PPP1R16A: variants seen among roughly 807,000 people sequenced by gnomAD.
PPP1R16A encodes the protein myosin phosphatase-targeting subunit 3.
In PPP1R16A, 39 loss-of-function variants were observed where a neutral mutation model predicts 46.6. The ratio of observed to expected loss-of-function variants is 0.84; its 90% CI spans 0.65 to 1.09. PPP1R16A has a LOEUF of 1.09. Among genes scored for constraint, PPP1R16A ranks in the 50% least tolerant of loss-of-function variants. The probability of loss-of-function intolerance (pLI) is 0.00; values close to 1 mark genes in which losing one functional copy is unlikely to be tolerated. For synonymous variants in PPP1R16A, 413 were observed against 321.5 expected (o/e 1.28, Z -3.04); for missense variants, 798 against 735.6 (o/e 1.08, Z -0.98).
intron 1 of PPP1R16A, among the ~76,000 whole-genome samples, chr8:144,483,067 C>T (rs758581227): frequency 6.6e-6 from 1 of 152,232 alleles, no homozygotes; most frequent in African/African-American, 2.4e-5. Context: ...CAGGTGTGAG[C>T]CACCGCGCCC....
rs777485072 is a variant in PPP1R16A, at chr8:144,500,370, C to A, written c.684C>A (p.Pro228=). 13 of 1,531,784 alleles carry A rather than the reference C, an allele frequency of 8.5e-6. No homozygotes were observed. The highest frequency in any genetic ancestry group is 4.1e-5 in the African/African-American group (3 of 72,924). The allele number at this position is 1,531,784 out of a possible 1,614,324, so 94.9% of individuals were successfully genotyped here. Residue 228 remains proline (P), a synonymous_variant, in exon 7 of 12, where the codon CCC becomes CCA. Coordinates refer to ENST00000435887, the MANE Select transcript of PPP1R16A (RefSeq NM_001329443.2). ...AGGCCGGGGCAGACCTCCATGCCCC[C>A]CTGGACCACGGGGCCACGCTGGTGA... ...RLQAGADLHA[P]LDHGATLLHV...
intron 1 of PPP1R16A, among the ~76,000 whole-genome samples, chr8:144,481,674 A>C (rs1234457554): frequency 6.6e-6 from 1 of 152,228 alleles, no homozygotes; most frequent in Non-Finnish European, 1.5e-5. Flanking sequence ...CATCAATGGA[A>C]TCATATGGAA....
In PPP1R16A at chr8:144,500,975, A is replaced by AGCGCCGCCCCCAGCAG; in HGVS notation, c.1037+7_1037+22dup. ...CCTCCAGCGCCGGCAGCCGCGGGTG[A>AGCGCCGCCCCCAGCAG]GCGCCGCCCCCAGCAGGCCCCGCCC... On this transcript the variant is annotated splice_donor_region_variant and intron_variant, in intron 10 of 11. Transcript: ENST00000435887. 6.9e-7 allele frequency: 1 copy of AGCGCCGCCCCCAGCAG among 1,439,382 alleles called. No individual in the cohort carries two copies. Among genetic ancestry groups the AGCGCCGCCCCCAGCAG allele is most frequent in the East Asian group, 2.9e-5 (1 of 34,792 alleles). The allele number at this position is 1,439,382 out of a possible 1,614,324, so 89.2% of individuals were successfully genotyped here.
At chr8:144,497,582 C>G in intron 3 of PPP1R16A, 129 bp downstream of exon 3, 2 of 1,372,506 alleles carry the variant, frequency 1.5e-6, no homozygotes, top group Non-Finnish European at 2.0e-6. Context: ...CAGATCTTGC[C>G]TGGTCTCTTC....
chr8:144,483,944 A>G (rs1196679487), intron 1 of PPP1R16A, among the ~76,000 whole-genome samples: 4 of 151,994 alleles, frequency 2.6e-5, no homozygotes, highest in South Asian at 2.1e-4. Context: ...TTTCCTTCCA[A>G]CTTCTAGGAA....
chr8:144,501,557 G>A lies in PPP1R16A; in HGVS notation c.1241G>A (p.Arg414Gln), dbSNP rs762567550. Residue 414 changes from arginine (R) to glutamine (Q), a missense_variant, in exon 12 of 12, where the codon CGA becomes CAA. Arg to Gln is a conservative substitution (Grantham distance 43). Coordinates refer to ENST00000435887, the MANE Select transcript of PPP1R16A (RefSeq NM_001329443.2). ...GAAGTGGTCAGGCCGCACAATGGCCGAGTAGGGGGCTCCCCAGTGCGGCAT... is the reference window on the plus strand; with the variant it reads ...GAAGTGGTCAGGCCGCACAATGGCCAAGTAGGGGGCTCCCCAGTGCGGCAT... ...NPEVVRPHNG[R>Q]VGGSPVRHLY... 3.1e-6 allele frequency: 5 copies of A among 1,588,062 alleles called. No homozygotes were observed. The highest frequency in any genetic ancestry group is 2.7e-5 in the African/African-American group (2 of 74,146).
chr8:144,500,022 G>A (rs1414851698), intron 5 of PPP1R16A, 74 bp from the exon 6 acceptor site: 5 of 1,484,444 alleles, frequency 3.4e-6, no homozygotes, highest in East Asian at 2.5e-5. Context: ...GCCCTGGCGG[G>A]GACTTCTCCA....
rs1366677886 is a variant in PPP1R16A at position 144,493,666 on chromosome 8, G to A, written c.-734-2795G>A. ...AGGGAGGCCAGAGGGGGACGCTTAG[G>A]GCTCAGCCTGGGGGGAGGTGGGCAC... On this transcript the variant is annotated intron_variant, in intron 2 of 11. Coordinates refer to ENST00000435887, the MANE Select transcript of PPP1R16A (RefSeq NM_001329443.2). This position sits in a 1 kb window ranked among gnomAD's most constrained non-coding sequence, Gnocchi z 4.3. Among the ~76,000 whole-genome samples, 1 of 152,072 alleles carries A rather than the reference G, an allele frequency of 6.6e-6. No individual in the cohort carries two copies. The highest frequency in any genetic ancestry group is 2.4e-5 in the African/African-American group (1 of 41,420).
chr8:144,500,042 C>G (rs886934538), intron 5 of PPP1R16A, 54 bp from the exon 6 acceptor site: 2 of 1,541,406 alleles, frequency 1.3e-6, no homozygotes, highest in Non-Finnish European at 1.8e-6. Flanking sequence ...AAGTGAGGAG[C>G]CTGGCAAGCG....
At chr8:144,485,651 CA>C (rs758147632) in intron 1 of PPP1R16A, among the ~76,000 whole-genome samples, 2 of 152,184 alleles carry the variant, frequency 1.3e-5, no homozygotes, top group African/African-American at 2.4e-5. Context: ...TACAGCAGTT[CA>C]AGGGGATGTT....
rs1826236360 is a variant in PPP1R16A, at chr8:144,498,751, C to T, written c.260-19C>T. 1.3e-6 allele frequency: 2 copies of T among 1,564,494 alleles called. No homozygotes were observed. Among genetic ancestry groups the T allele is most frequent in the Non-Finnish European group, 8.7e-7 (1 of 1,148,942 alleles). On this transcript the variant is annotated intron_variant, in intron 3 of 11. Transcript: ENST00000435887. ...GACCAGGGGCAGGACCCTGTCCTCA[C>T]CTCGCCACCTTTTTGCAGTCCGCCA...
rs1219639397 is a variant in PPP1R16A, at chr8:144,482,686, ACT to A, written c.-914+4562_-914+4563del. On this transcript the variant is annotated intron_variant, in intron 1 of 11. Coordinates refer to ENST00000435887, the MANE Select transcript of PPP1R16A (RefSeq NM_001329443.2). ...TTTTTTTTTTTTTTGGGACAGTCTC[ACT>A]CTATCGCCAGGCTAGAGTGCAGTGA... 6.6e-5 allele frequency among the ~76,000 whole-genome samples: 7 copies of A among 106,542 alleles called. No homozygotes were observed. The Admixed American group carries it at 8.1e-4, about 12-fold the overall frequency. 69.9% of individuals were successfully genotyped at this position (106,542 alleles called of 152,430 possible). A position where few individuals can be genotyped will look rare whatever the true frequency, so the allele number is the denominator to read the frequency against.
At position 144,499,068 on chromosome 8, in the gene PPP1R16A, C is replaced by T. The variant is rs1260569614; in HGVS notation, c.476+7C>T. On this transcript the variant is annotated splice_region_variant and intron_variant, in intron 5 of 11. Coordinates refer to ENST00000435887, the MANE Select transcript of PPP1R16A (RefSeq NM_001329443.2). ...TGGAGCTGCTCATCGCCAGGTAGGG[C>T]CTGTTGGGCGTCCTTGGCAGGGAGA... 1 of 1,567,798 alleles carries T rather than the reference C, an allele frequency of 6.4e-7. No individual in the cohort carries two copies. The highest frequency in any genetic ancestry group is 8.7e-7 in the Non-Finnish European group (1 of 1,154,308).
At chr8:144,497,608 G>T in intron 3 of PPP1R16A, 155 bp downstream of exon 3, 1 of 1,098,996 alleles carries the variant, frequency 9.1e-7, no homozygotes, top group Non-Finnish European at 1.3e-6. Context: ...GGGTGGCCCA[G>T]GGTGCCCCCA....
At chr8:144,498,002 C>T (rs1251404980) in intron 3 of PPP1R16A, 1 of 455,672 alleles carries the variant, frequency 2.2e-6, no homozygotes, top group Non-Finnish European at 4.4e-6. Context: ...GCAGCCCCAG[C>T]TGTGTGGGTT....
chr8:144,490,499 C>T (rs1353493716), intron 2 of PPP1R16A, among the ~76,000 whole-genome samples: 19 of 132,598 alleles, frequency 1.4e-4, no homozygotes, highest in African/African-American at 4.9e-4. Context: ...GAGCGAGACC[C>T]TGTCTCAAAA....
intron 3 of PPP1R16A, 46 bp downstream of exon 3, chr8:144,497,499 C>T: frequency 6.2e-7 from 1 of 1,608,500 alleles, no homozygotes; most frequent in Non-Finnish European, 8.5e-7. Flanking sequence ...ACGGCCCACT[C>T]CCTGCTACCT....
Position 144,500,943 on chromosome 8 carries a change from C to G in PPP1R16A, c.1009C>G (p.Arg337Gly). The G allele has an allele frequency of 6.7e-7, 1 of 1,498,296 alleles. No individual in the cohort carries two copies. The highest frequency in any genetic ancestry group is 8.8e-7 in the Non-Finnish European group (1 of 1,130,326). 92.8% of individuals were successfully genotyped at this position (1,498,296 alleles called of 1,614,324 possible). The change falls in exon 10 of 12, where the codon CGC (arginine) becomes GGC (glycine). Residue 337 changes from arginine (R) to glycine (G), a missense_variant. Physicochemically the swap from Arg to Gly is moderately radical, Grantham distance 125 (BLOSUM62 -2). Coordinates refer to ENST00000435887, the MANE Select transcript of PPP1R16A (RefSeq NM_001329443.2). Reference sequence around the variant, plus strand: ...GAGCCGCCAGCGCTCCTTGCTGCGCCGCCGCACCTCCAGCGCCGGCAGCCG... The same window carrying G: ...GAGCCGCCAGCGCTCCTTGCTGCGCGGCCGCACCTCCAGCGCCGGCAGCCG... ...AQSRQRSLLRRRTSSAGSRGK... is the reference protein window; with the variant it reads ...AQSRQRSLLRGRTSSAGSRGK...
Position 144,497,234 on chromosome 8 carries a change from G to C in PPP1R16A, c.40G>C (p.Val14Leu), listed in dbSNP as rs1826117493. 1.2e-6 allele frequency: 2 copies of C among 1,601,696 alleles called. No homozygotes were observed. Among genetic ancestry groups the C allele is most frequent in the African/African-American group, 1.3e-5 (1 of 74,710 alleles). The change falls in exon 3 of 12, where the codon GTG becomes CTG. Residue 14 changes from valine to leucine, a missense_variant. Val to Leu is a conservative substitution (Grantham distance 32). Transcript: ENST00000435887. ...GGAGCTGCTGGCAGAGATGCCCATG[G>C]TGGGCAGGATGAGCACACAGGAGCG... is the stretch of plus-strand genomic sequence containing the variant. ...HLELLAEMPM[V>L]GRMSTQERLK...
Sources: gnomAD v4.1 joint callset for allele counts (sites outside exome capture counted in the v4.1 genomes callset) on GRCh38, gnomAD v4.1.1 for gene constraint, Gnocchi (gnomAD v3.1) non-coding constraint, MANE v1.5 for transcripts, NCBI Gene and HGNC (gene_info 2026-07-23, HGNC 2026-07-21) for gene names.